The following ELK3 variants were observed in gnomAD, a reference collection of about 807,000 sequenced individuals.
ELK3 encodes the protein ETS domain-containing protein Elk-3.
In ELK3, 10 loss-of-function variants were observed where a neutral mutation model predicts 28.9. The ratio of observed to expected loss-of-function variants is 0.35; its 90% confidence interval spans 0.21 to 0.59. The LOEUF is 0.59. Ranked by LOEUF, ELK3 falls within the 20% of genes least tolerant of loss-of-function variation. The pLI, the probability that ELK3 is intolerant of heterozygous loss-of-function variation, is 0.82. For missense variants in ELK3, 463 were observed against 517.3 expected (o/e 0.90, Z 1.02); for synonymous variants, 272 against 243.5 (o/e 1.12, Z -1.09).
chr12:96,212,909 C>T (rs1403693516), intron 1 of ELK3: 2 of 152,066 alleles, frequency 1.3e-5, no homozygotes, highest in Non-Finnish European at 2.9e-5. Flanking sequence ...CTCTTTAGCT[C>T]ATTTTGGAAG....
In ELK3 at chr12:96,267,701, C is replaced by T. The variant is rs957282501; in HGVS notation, c.*521C>T. 1.3e-5 allele frequency: 2 copies of T among 152,678 alleles called. No individual in the cohort carries two copies. Among genetic ancestry groups the T allele is most frequent in the Admixed American group, 6.5e-5 (1 of 15,278 alleles). 9.5% of individuals were successfully genotyped at this position (152,678 alleles called of 1,614,324 possible). A position where few individuals can be genotyped will look rare whatever the true frequency, so the allele number is the denominator to read the frequency against. On this transcript the variant is annotated 3_prime_UTR_variant, in exon 5 of 5. Transcript: ENST00000228741. ...TTTTCACCAGTGGGCAATATGAAAG[C>T]ATATATCACGTTTTGTTTTACTTTC...
chr12:96,237,087 A>C (rs373236051), intron 2 of ELK3, among the ~76,000 whole-genome samples: 1 of 152,188 alleles, frequency 6.6e-6, no homozygotes, highest in East Asian at 1.9e-4. Flanking sequence ...CAAATCCAGG[A>C]TGATTCTGTC....
At chr12:96,259,961 T>C in intron 4 of ELK3, 108 bp downstream of exon 4, 8 of 1,414,252 alleles carry the variant, frequency 5.7e-6, no homozygotes, top group Non-Finnish European at 6.5e-6. Context: ...AGTTGAAATA[T>C]TAAATGTCCA....
intron 2 of ELK3, among the ~76,000 whole-genome samples, chr12:96,240,621 TAAG>T (rs998467939): frequency 3.3e-5 from 5 of 152,200 alleles, no homozygotes; most frequent in Non-Finnish European, 7.4e-5. Flanking sequence ...GTGCAGGGGT[TAAG>T]AAGGGCCTGT....
chr12:96,214,542 A>G (rs1270847745), intron 1 of ELK3, among the ~76,000 whole-genome samples: 1 of 152,208 alleles, frequency 6.6e-6, no homozygotes, highest in African/African-American at 2.4e-5. Flanking sequence ...CTTTTTTAAA[A>G]TGAACAATTT....
chr12:96,219,313 A>G (rs1951646368), intron 1 of ELK3, among the ~76,000 whole-genome samples: 1 of 151,932 alleles, frequency 6.6e-6, no homozygotes, highest in African/African-American at 2.4e-5. Context: ...AAATCGTTTA[A>G]ATTTTTTTTC....
At position 96,218,790 on chromosome 12, in the gene ELK3, A is replaced by G. The variant is rs184422032; in HGVS notation, c.-2-4775A>G. On this transcript the variant is annotated intron_variant, in intron 1 of 4. Transcript: ENST00000228741. ...TAGCCTCCCGAGTAGCTGGGACCAC[A>G]GGCGCCCGCCACCACGCCTGGCTAA... is the stretch of plus-strand genomic sequence containing the variant. 8.3e-3 allele frequency among the ~76,000 whole-genome samples: 1,253 copies of G among 151,848 alleles called. 22 individuals are homozygous for G. The highest frequency in any genetic ancestry group is 0.028 in the African/African-American group (1,160 of 41,386).
intron 1 of ELK3, among the ~76,000 whole-genome samples, chr12:96,216,134 G>A (rs1353026719): frequency 1.6e-4 from 24 of 152,088 alleles, no homozygotes; most frequent in Non-Finnish European, 4.4e-5. Flanking sequence ...CATCTGCAGC[G>A]GCTATGAGCG....
intron 3 of ELK3, among the ~76,000 whole-genome samples, chr12:96,256,810 G>A (rs1346463344): frequency 6.6e-6 from 1 of 152,194 alleles, no homozygotes; most frequent in Non-Finnish European, 1.5e-5. Context: ...ATGGGCAGAG[G>A]AAGGCAAGAG....
intron 2 of ELK3, among the ~76,000 whole-genome samples, chr12:96,228,819 C>T (rs144966786): frequency 1.1e-3 from 170 of 152,290 alleles, no homozygotes; most frequent in African/African-American, 4.0e-3. Context: ...GTCCCTCAAC[C>T]TCAGCGTCTC....
chr12:96,249,260 A>C (rs916290034), intron 3 of ELK3, among the ~76,000 whole-genome samples: 2 of 152,158 alleles, frequency 1.3e-5, no homozygotes, highest in Admixed American at 6.5e-5. Flanking sequence ...CCTGATCACG[A>C]TGGCCGTCCA....
rs574014267 is a variant in ELK3 at position 96,250,949 on chromosome 12, G to A, written c.1002+3215G>A. 5.3e-5 allele frequency among the ~76,000 whole-genome samples: 8 copies of A among 152,270 alleles called. No homozygotes were observed. The South Asian group carries it at 6.2e-4, about 12-fold the overall frequency. ...GGAGCCTTGGCATGGCCTGTGTCAC[G>A]TGGTTACCTTATCACACCTCATACA... is the stretch of plus-strand genomic sequence containing the variant. On this transcript the variant is annotated intron_variant, in intron 3 of 4. Transcript: ENST00000228741.
At chr12:96,250,728 G>C (rs1951898729) in intron 3 of ELK3, among the ~76,000 whole-genome samples, 1 of 152,184 alleles carries the variant, frequency 6.6e-6, no homozygotes, top group Non-Finnish European at 1.5e-5. Context: ...TGTGTGTGGG[G>C]GGTGTGCTGT....
intron 2 of ELK3, among the ~76,000 whole-genome samples, chr12:96,242,153 A>C (rs1951826155): frequency 6.6e-6 from 1 of 152,150 alleles, no homozygotes; most frequent in South Asian, 2.1e-4. Context: ...ACTTTTTCTA[A>C]ATATCCTCAT....
chr12:96,226,503 T>C (rs1484175326), intron 2 of ELK3, among the ~76,000 whole-genome samples: 2 of 68,876 alleles, frequency 2.9e-5, no homozygotes, highest in African/African-American at 1.3e-4. Flanking sequence ...TGTCCACATG[T>C]GCACACCCAT....
chr12:96,267,385 T>G lies in ELK3; in HGVS notation c.*205T>G, dbSNP rs1451117521. Reference sequence around the variant, plus strand: ...AGTATATATGAAAATCTGTTTGGCATTAAGTGAATTTTAATGTTTTTGTTT... The same window carrying G: ...AGTATATATGAAAATCTGTTTGGCAGTAAGTGAATTTTAATGTTTTTGTTT... On this transcript the variant is annotated 3_prime_UTR_variant, in exon 5 of 5. Transcript: ENST00000228741. 2.2e-6 allele frequency: 1 copy of G among 452,736 alleles called. No individual in the cohort carries two copies. The highest frequency in any genetic ancestry group is 3.9e-6 in the Non-Finnish European group (1 of 254,784). The allele number at this position is 452,736 out of a possible 1,614,324, so 28.0% of individuals were successfully genotyped here. A position where few individuals can be genotyped will look rare whatever the true frequency, so the allele number is the denominator to read the frequency against.
intron 1 of ELK3, among the ~76,000 whole-genome samples, chr12:96,210,546 G>A (rs895372995): frequency 1.5e-5 from 2 of 133,396 alleles, no homozygotes; most frequent in Non-Finnish European, 3.2e-5. Context: ...CTGTTCCACC[G>A]CCCTGCGCGC....
chr12:96,196,160 A>G (rs1303356998), intron 1 of ELK3, among the ~76,000 whole-genome samples: 1 of 152,180 alleles, frequency 6.6e-6, no homozygotes, highest in Non-Finnish European at 1.5e-5. Flanking sequence ...TGCTCGGCAC[A>G]GGAGGGGTTT....
At chr12:96,199,842 T>C (rs547447140) in intron 1 of ELK3, among the ~76,000 whole-genome samples, 38 of 152,342 alleles carry the variant, frequency 2.5e-4, no homozygotes, top group African/African-American at 8.4e-4. Context: ...TTTACTTGTA[T>C]ATTTTTAAAG....
Sources: gnomAD v4.1 joint callset for allele counts (sites outside exome capture counted in the v4.1 genomes callset) on GRCh38, gnomAD v4.1.1 for gene constraint, MANE v1.5 for transcripts, NCBI Gene and HGNC (gene_info 2026-07-23, HGNC 2026-07-21) for gene names.